The following GRAMD1B variants were observed in gnomAD, a reference collection of about 807,000 sequenced individuals.
The protein encoded by GRAMD1B is GRAM domain containing 1B.
GRAMD1B carries 37 observed loss-of-function variants against 99.7 expected under a neutral mutation model. The observed-to-expected ratio is 0.37, with a 90% confidence interval of 0.29 to 0.49. The LOEUF is 0.49. GRAMD1B is among the 20% of genes least tolerant of loss of function. The pLI is 0.98. For synonymous variants in GRAMD1B, 427 were observed against 387.6 expected (o/e 1.10, Z -1.19); for missense variants, 888 against 1,009.2 (o/e 0.88, Z 1.63).
intron 2 of GRAMD1B, among the ~76,000 whole-genome samples, chr11:123,558,186 G>A (rs570316003): frequency 9.2e-5 from 14 of 151,742 alleles, no homozygotes; most frequent in South Asian, 2.1e-4. Context: ...GTTTCACCAC[G>A]TTGGCCAGGC....
chr11:123,368,915 G>A (rs1183956849), intron 1 of GRAMD1B, among the ~76,000 whole-genome samples: 9 of 150,804 alleles, frequency 6.0e-5, no homozygotes, highest in African/African-American at 2.2e-4. Flanking sequence ...GAGAGTTTGA[G>A]CTCCCTACAC....
intron 1 of GRAMD1B, among the ~76,000 whole-genome samples, chr11:123,382,000 G>T (rs1946893180): frequency 6.6e-6 from 1 of 152,090 alleles, no homozygotes; most frequent in African/African-American, 2.4e-5. Flanking sequence ...TGACCAGCAA[G>T]TGCCTACTCC....
intron 2 of GRAMD1B, among the ~76,000 whole-genome samples, chr11:123,507,266 G>GC (rs1469606200): frequency 6.6e-6 from 1 of 152,156 alleles, no homozygotes. Context: ...GATTGGCTTG[G>GC]CCCCCACACC....
In GRAMD1B at chr11:123,625,434, G is replaced by T. The variant is rs1955444290; in HGVS notation, c.*2839G>T. ...CTATAGGATCTAAAGTTCCATTACA[G>T]CTTACTGTGAAAGAATTGACAAGAC... On this transcript the variant is annotated 3_prime_UTR_variant, in exon 20 of 20. Transcript: ENST00000635736. 1 of 152,224 alleles carries T rather than the reference G, an allele frequency of 6.6e-6. No homozygotes were observed. Among genetic ancestry groups the T allele is most frequent in the African/African-American group, 2.4e-5 (1 of 41,452 alleles). 9.4% of individuals were successfully genotyped at this position (152,224 alleles called of 1,614,324 possible). A position where few individuals can be genotyped will look rare whatever the true frequency, so the allele number is the denominator to read the frequency against.
intron 1 of GRAMD1B, among the ~76,000 whole-genome samples, chr11:123,453,694 C>T (rs937516223): frequency 3.9e-5 from 6 of 152,186 alleles, no homozygotes; most frequent in African/African-American, 1.4e-4. Context: ...AATACTGACT[C>T]AAATTTCAGA....
chr11:123,470,275 C>T (rs1166762480), intron 1 of GRAMD1B, among the ~76,000 whole-genome samples: 1 of 152,178 alleles, frequency 6.6e-6, no homozygotes, highest in Non-Finnish European at 1.5e-5. Context: ...TCACACAAAA[C>T]CATACAAAAG....
At position 123,445,818 on chromosome 11, in the gene GRAMD1B, CAAAAAAAAAAAA is replaced by C. The variant is rs36123733; in HGVS notation, c.374+14661_374+14672del. 1.2e-3 allele frequency among the ~76,000 whole-genome samples: 115 copies of C among 94,140 alleles called. 3 individuals are homozygous for C. The East Asian group carries it at 0.034, about 28-fold the overall frequency. 61.8% of individuals were successfully genotyped at this position (94,140 alleles called of 152,430 possible). ...TGGGGAACAGAGTGACACTTGTCTC[CAAAAAAAAAAAA>C]AAAAAAAACAAGACAAACAAACAAA... On this transcript the variant is annotated intron_variant, in intron 1 of 19. Coordinates refer to ENST00000635736, the MANE Select transcript of GRAMD1B (RefSeq NM_001387025.1).
chr11:123,373,871 C>A (rs151199687), intron 1 of GRAMD1B, among the ~76,000 whole-genome samples: 1,636 of 152,262 alleles, frequency 0.011, 29 homozygotes, highest in African/African-American at 0.036. Context: ...CATGTGTGGT[C>A]ATTTTGGAGG....
At chr11:123,612,039 G>T (rs1371373241) in intron 14 of GRAMD1B, among the ~76,000 whole-genome samples, 1 of 152,042 alleles carries the variant, frequency 6.6e-6, no homozygotes, top group Non-Finnish European at 1.5e-5. Context: ...GAGCTGGTGA[G>T]GTCTGGGGTG....
At chr11:123,423,348 TCTC>T (rs1171783984) in intron 1 of GRAMD1B, among the ~76,000 whole-genome samples, 3 of 151,296 alleles carry the variant, frequency 2.0e-5, no homozygotes, top group Non-Finnish European at 4.4e-5. Flanking sequence ...TCCCCTCCTC[TCTC>T]CTCTTCTCTT....
At chr11:123,457,020 GAGGATTGCTTAAGCCC>G (rs1950162255) in intron 1 of GRAMD1B, among the ~76,000 whole-genome samples, 1 of 150,926 alleles carries the variant, frequency 6.6e-6, no homozygotes, top group Admixed American at 6.7e-5. Context: ...GCTGAGATGG[GAGGATTGCTTAAGCCC>G]AGGAGGTCAA....
At chr11:123,468,082 T>G (rs954585906) in intron 1 of GRAMD1B, among the ~76,000 whole-genome samples, 4 of 152,106 alleles carry the variant, frequency 2.6e-5, no homozygotes, top group African/African-American at 9.7e-5. Flanking sequence ...CAGGATGGTC[T>G]TAATCTCTTG....
intron 5 of GRAMD1B, 48 bp from the exon 6 acceptor site, chr11:123,594,687 G>A (rs542059047): frequency 6.4e-5 from 65 of 1,009,622 alleles, no homozygotes; most frequent in East Asian, 5.0e-4. Context: ...GTGGTTTGCC[G>A]AAAATGCTTC....
At chr11:123,548,325 T>TATATATATACATAC (rs1555067740) in intron 2 of GRAMD1B, among the ~76,000 whole-genome samples, 1 of 86,842 alleles carries the variant, frequency 1.2e-5, no homozygotes, top group African/African-American at 5.1e-5. Flanking sequence ...TATATATATA[T>TATATATATACATAC]ACACACACAC....
chr11:123,514,669 T>G (rs1380149640), intron 2 of GRAMD1B, among the ~76,000 whole-genome samples: 1 of 152,150 alleles, frequency 6.6e-6, no homozygotes, highest in Non-Finnish European at 1.5e-5. Flanking sequence ...AGCAGGGAGC[T>G]GAAGCGCTGT....
intron 1 of GRAMD1B, among the ~76,000 whole-genome samples, chr11:123,445,904 C>CT (rs1187506306): frequency 6.6e-6 from 1 of 151,286 alleles, no homozygotes; most frequent in Non-Finnish European, 1.5e-5. Flanking sequence ...TTGGTTATAT[C>CT]TTTTTATGTT....
intron 1 of GRAMD1B, among the ~76,000 whole-genome samples, chr11:123,415,249 T>C (rs553050638): frequency 4.6e-4 from 70 of 151,902 alleles, no homozygotes; most frequent in African/African-American, 1.5e-3. Context: ...ACTACAGGTG[T>C]GCACCACCAC....
intron 3 of GRAMD1B, among the ~76,000 whole-genome samples, chr11:123,583,393 TGC>T (rs1491137405): frequency 4.4e-5 from 2 of 45,834 alleles, no homozygotes; most frequent in Non-Finnish European, 1.1e-4. Flanking sequence ...TGTGTATGTG[TGC>T]GTGTGTGTGT....
chr11:123,399,511 A>G (rs2135906611), intron 1 of GRAMD1B, among the ~76,000 whole-genome samples: 1 of 152,286 alleles, frequency 6.6e-6, no homozygotes, highest in Non-Finnish European at 1.5e-5. Context: ...AACCTCCATA[A>G]TGTTTTCTAT....
Sources: allele counts gnomAD v4.1 joint callset (sites outside exome capture counted in the v4.1 genomes callset), GRCh38; gene constraint gnomAD v4.1.1; transcripts MANE v1.5; gene names NCBI Gene and HGNC (gene_info 2026-07-23, HGNC 2026-07-21).